Variants in ARHGEF6 observed in about 807,000 individuals in gnomAD.
ARHGEF6 encodes the protein rho guanine nucleotide exchange factor 6.
A neutral mutation model predicts 70.3 loss-of-function variants in ARHGEF6; 9 were observed. The observed-to-expected ratio is 0.13, with a 90% CI of 0.08 to 0.22. ARHGEF6 has a LOEUF of 0.22. Among genes scored for constraint, ARHGEF6 ranks in the 10% least tolerant of loss-of-function variants. The pLI is 1.00. For missense variants in ARHGEF6, 470 were observed against 563.0 expected (o/e 0.83, Z 1.67); for synonymous variants, 201 against 207.8 (o/e 0.97, Z 0.28).
At chrX:136,672,336 G>A (rs1459690360) in intron 19 of ARHGEF6, among the ~76,000 whole-genome samples, 9 of 111,352 alleles carry the variant, frequency 8.1e-5, no homozygotes, top group Admixed American at 2.8e-4. Flanking sequence ...CAATCTTCCC[G>A]AGGTGGGAAG....
chrX:136,751,001 T>C (rs2077145226), intron 2 of ARHGEF6, among the ~76,000 whole-genome samples: 1 of 110,715 alleles, frequency 9.0e-6, no homozygotes, highest in African/African-American at 3.3e-5. Context: ...GTTTTTGTTT[T>C]TGTTTTTGTA....
intron 2 of ARHGEF6, among the ~76,000 whole-genome samples, chrX:136,756,362 G>C (rs1054098128): frequency 2.7e-5 from 3 of 111,735 alleles, no homozygotes; most frequent in South Asian, 3.8e-4. Context: ...CCAGGTAATA[G>C]AGGTTCCTCT....
intron 6 of ARHGEF6, among the ~76,000 whole-genome samples, chrX:136,720,265 T>C (rs993758291): frequency 4.5e-5 from 5 of 111,016 alleles, no homozygotes; most frequent in Non-Finnish European, 9.5e-5. Flanking sequence ...AATCCAGCAA[T>C]AGATAAAAAG....
chrX:136,674,223 C>T, intron 19 of ARHGEF6, among the ~76,000 whole-genome samples: 1 of 112,297 alleles, frequency 8.9e-6, no homozygotes, highest in South Asian at 3.7e-4. Flanking sequence ...TATGTCAAGG[C>T]ACCTAAGAAA....
chrX:136,764,986 C>T (rs1466992673), intron 2 of ARHGEF6, among the ~76,000 whole-genome samples: 1 of 111,586 alleles, frequency 9.0e-6, no homozygotes. Context: ...GCTTTGGGGG[C>T]AACAGCAGCC....
chrX:136,767,414 G>A (rs56044623), intron 2 of ARHGEF6: 91,057 of 753,854 alleles, frequency 0.12, 4,037 homozygotes, highest in Middle Eastern at 0.17. Flanking sequence ...CGGGCGAGGA[G>A]GGGGCGCCCG....
chrX:136,708,719 G>C lies in ARHGEF6; in HGVS notation c.879C>G (p.Cys293Trp), dbSNP rs1031873966. The C allele has an allele frequency of 8.3e-7, 1 of 1,204,771 alleles. No homozygotes were observed. The highest frequency in any genetic ancestry group is 1.1e-6 in the Non-Finnish European group (1 of 891,397). ...TSLLGNFEEV[C>W]TFQQTLCQAL... is the part of the protein sequence containing the mutation. ...CTTGGCAGAGTGTCTGTTGAAATGT[G>C]CATACTTCCTCGAAGTTTCCCAGTA... The change falls in exon 8 of 22, where the codon TGC becomes TGG. Residue 293 changes from cysteine to tryptophan, a missense_variant. By Grantham distance (215) the Cys-to-Trp change is radical. Transcript: ENST00000250617.
chrX:136,669,432 A>G (rs902695877), intron 21 of ARHGEF6, 50 bp downstream of exon 21: 2 of 1,133,022 alleles, frequency 1.8e-6, no homozygotes, highest in Non-Finnish European at 2.4e-6. Flanking sequence ...GTGAGGCAAG[A>G]AAAAGAGAAT....
At chrX:136,730,313 C>G (rs1309229361) in intron 6 of ARHGEF6, among the ~76,000 whole-genome samples, 1 of 110,458 alleles carries the variant, frequency 9.1e-6, no homozygotes, top group Non-Finnish European at 1.9e-5. Flanking sequence ...TTTTTTTATT[C>G]AACACAGATT....
At chrX:136,680,281 C>A (rs760407872) in intron 15 of ARHGEF6, among the ~76,000 whole-genome samples, 2 of 112,512 alleles carry the variant, frequency 1.8e-5, no homozygotes, top group Non-Finnish European at 3.8e-5. Context: ...GGAGATAATG[C>A]TAAAAGTTTA....
intron 6 of ARHGEF6, among the ~76,000 whole-genome samples, chrX:136,714,780 G>A (rs2076720453): frequency 9.0e-6 from 1 of 111,496 alleles, no homozygotes; most frequent in African/African-American, 3.3e-5. Context: ...CTGAGAGGTT[G>A]CTTCAGTTTA....
chrX:136,713,373 A>G lies in ARHGEF6; in HGVS notation c.733-3T>C, dbSNP rs759111892. 2 of 1,178,148 alleles carry G rather than the reference A, an allele frequency of 1.7e-6. No homozygotes were observed. The highest frequency in any genetic ancestry group is 5.9e-5 in the East Asian group (2 of 33,696). On this transcript the variant is annotated splice_polypyrimidine_tract_variant and splice_region_variant and intron_variant, in intron 6 of 21. Transcript: ENST00000250617. ...GTGTCCAGGATGTTCTGTAACACCT[A>G]TGGAAAAAAAAGTCAATGTATTATA...
intron 6 of ARHGEF6, among the ~76,000 whole-genome samples, chrX:136,722,900 T>C (rs2076814041): frequency 8.9e-6 from 1 of 112,296 alleles, no homozygotes; most frequent in Non-Finnish European, 1.9e-5. Flanking sequence ...CAACCCAAAG[T>C]CCATCAACTG....
intron 5 of ARHGEF6, among the ~76,000 whole-genome samples, chrX:136,742,945 C>T (rs1030395038): frequency 2.7e-5 from 3 of 111,219 alleles, no homozygotes; most frequent in African/African-American, 9.8e-5. Flanking sequence ...TGCACTCTGC[C>T]TGGGCAACAG....
At chrX:136,772,858 G>A (rs1036076948) in intron 2 of ARHGEF6, among the ~76,000 whole-genome samples, 3 of 111,799 alleles carry the variant, frequency 2.7e-5, no homozygotes, top group Non-Finnish European at 3.8e-5. Flanking sequence ...GCAAGACTCC[G>A]TCTCAAACAA....
At position 136,667,001 on chromosome X, in the gene ARHGEF6, T is replaced by C. The variant is rs747024117; in HGVS notation, c.*1028A>G. 2 of 112,530 alleles carry C rather than the reference T, an allele frequency of 1.8e-5. No individual in the cohort carries two copies. The highest frequency in any genetic ancestry group is 9.4e-5 in the Admixed American group (1 of 10,652). 9.3% of individuals were successfully genotyped at this position (112,530 alleles called of 1,213,427 possible). A position where few individuals can be genotyped will look rare whatever the true frequency, so the allele number is the denominator to read the frequency against. ...AATAAAGTGAATGAAAGCTGTCTAGTAGGGCACAATATCTTCTTAATGCAG... is the reference window on the plus strand; with the variant it reads ...AATAAAGTGAATGAAAGCTGTCTAGCAGGGCACAATATCTTCTTAATGCAG... On this transcript the variant is annotated 3_prime_UTR_variant, in exon 22 of 22. Coordinates refer to ENST00000250617, the MANE Select transcript of ARHGEF6 (RefSeq NM_004840.3).
intron 9 of ARHGEF6, among the ~76,000 whole-genome samples, chrX:136,694,646 C>T (rs1195658286): frequency 6.3e-5 from 7 of 111,487 alleles, no homozygotes; most frequent in African/African-American, 2.3e-4. Flanking sequence ...TAACCCTCTC[C>T]CTCGTGAAAA....
rs763421023 is a variant in ARHGEF6, at chrX:136,732,171, C to G, written c.663G>C (p.Glu221Asp). The G allele has an allele frequency of 3.3e-6, 4 of 1,196,037 alleles. No individual in the cohort carries two copies. The African/African-American group carries it at 7.0e-5, about 21-fold the overall frequency. Residue 221 changes from glutamate to aspartate, a missense_variant and splice_region_variant, in exon 6 of 22, where the codon GAG becomes GAC. Transcript: ENST00000250617. ...SNYVREIKSS[E>D]RPLSPKAVKG... is the part of the protein sequence containing the mutation. Reference sequence around the variant, plus strand: ...TGACGGCTTTTGGGGAGAGAGGTCTCTCTGTGAAAAAAACATTTAAATTAT... The same window carrying G: ...TGACGGCTTTTGGGGAGAGAGGTCTGTCTGTGAAAAAAACATTTAAATTAT...
intron 5 of ARHGEF6, among the ~76,000 whole-genome samples, chrX:136,740,603 A>G (rs1341590906): frequency 9.0e-6 from 1 of 110,939 alleles, no homozygotes; most frequent in Non-Finnish European, 1.9e-5. Flanking sequence ...AACCAGAGAG[A>G]ATATAGGAGA....
Sources: allele counts gnomAD v4.1 joint callset (sites outside exome capture counted in the v4.1 genomes callset), GRCh38; gene constraint gnomAD v4.1.1; transcripts MANE v1.5; gene names NCBI Gene and HGNC (gene_info 2026-07-23, HGNC 2026-07-21).